Variants in CATSPERT observed in about 807,000 individuals in gnomAD.
The protein encoded by CATSPERT is cation channel sperm-associated targeting subunit tau.
the CATSPERT span, chr2:201,493,925 A>C: frequency 6.5e-7 from 1 of 1,537,106 alleles, no homozygotes. Context: ...CCACTTTCTA[A>C]AAATGAATCT....
At chr2:201,601,523 C>A in the CATSPERT span, among the ~76,000 whole-genome samples, 1 of 152,002 alleles carries the variant, frequency 6.6e-6, no homozygotes, top group African/African-American at 2.4e-5. Flanking sequence ...GGAAAGAAAT[C>A]TACTAAGATT....
the CATSPERT span, among the ~76,000 whole-genome samples, chr2:201,577,747 A>T: frequency 1.3e-5 from 2 of 152,190 alleles, no homozygotes. Context: ...GTAGGAATGG[A>T]GAAAGGGAAG....
the CATSPERT span, among the ~76,000 whole-genome samples, chr2:201,514,711 C>A: frequency 6.6e-6 from 1 of 152,298 alleles, no homozygotes; most frequent in Admixed American, 6.5e-5. Flanking sequence ...AGAGTATTGG[C>A]CAGAATTCTG....
At chr2:201,572,543 A>C in the CATSPERT span, among the ~76,000 whole-genome samples, 1 of 152,192 alleles carries the variant, frequency 6.6e-6, no homozygotes, top group African/African-American at 2.4e-5. Context: ...CACCTACATA[A>C]AATAATACTT....
the CATSPERT span, among the ~76,000 whole-genome samples, chr2:201,513,430 T>A: frequency 2.0e-5 from 3 of 151,984 alleles, no homozygotes; most frequent in Non-Finnish European, 4.4e-5. Flanking sequence ...CAGAAAACAA[T>A]AGATGTTGGC....
chr2:201,601,900 T>C, the CATSPERT span: 20 of 1,548,378 alleles, frequency 1.3e-5, no homozygotes, highest in Non-Finnish European at 1.8e-5. Flanking sequence ...AATAGAATGA[T>C]ATTCAGGAAA....
the CATSPERT span, among the ~76,000 whole-genome samples, chr2:201,566,758 T>C: frequency 2.0e-5 from 3 of 152,194 alleles, no homozygotes; most frequent in Admixed American, 6.5e-5. Context: ...TTTCTAGTTC[T>C]AGATCCCTGA....
chr2:201,545,729 A>C, the CATSPERT span: 14 of 648,322 alleles, frequency 2.2e-5, no homozygotes, highest in Non-Finnish European at 3.2e-5. Context: ...CTTTTAATAC[A>C]ATACACCTTC....
the CATSPERT span, among the ~76,000 whole-genome samples, chr2:201,594,939 C>T: frequency 1.8e-4 from 28 of 152,242 alleles, no homozygotes; most frequent in East Asian, 4.4e-3. Context: ...TCCCGTAGCT[C>T]GGAGTAATTT....
At chr2:201,535,794 TG>T in the CATSPERT span, 1 of 1,369,208 alleles carries the variant, frequency 7.3e-7, no homozygotes, top group African/African-American at 1.5e-5. Context: ...TAGATTATTT[TG>T]TCTCCCTAGT....
chr2:201,614,861 G>A, the CATSPERT span, among the ~76,000 whole-genome samples: 2 of 152,164 alleles, frequency 1.3e-5, no homozygotes, highest in East Asian at 1.9e-4. Flanking sequence ...AGGGATAGAG[G>A]AGGATCTACC....
At chr2:201,604,604 T>C in the CATSPERT span, 196 of 1,572,380 alleles carry the variant, frequency 1.2e-4, no homozygotes, top group Non-Finnish European at 1.7e-4. Context: ...GGGTTACTCA[T>C]ACATACCACA....
At chr2:201,508,929 G>A in the CATSPERT span, among the ~76,000 whole-genome samples, 3 of 151,950 alleles carry the variant, frequency 2.0e-5, no homozygotes, top group East Asian at 5.8e-4. Flanking sequence ...TGTGAATAAT[G>A]TTGCAGTAAA....
At chr2:201,565,427 C>T in the CATSPERT span, among the ~76,000 whole-genome samples, 2 of 152,004 alleles carry the variant, frequency 1.3e-5, no homozygotes, top group African/African-American at 2.4e-5. Flanking sequence ...TGAGCATAAT[C>T]GTGCCACTAC....
chr2:201,547,598 C>G, the CATSPERT span: 2 of 1,497,030 alleles, frequency 1.3e-6, no homozygotes, highest in Non-Finnish European at 1.8e-6. Flanking sequence ...ATTCTTTTTT[C>G]ATCTTTTCCA....
the CATSPERT span, among the ~76,000 whole-genome samples, chr2:201,573,685 C>G: frequency 2.0e-5 from 3 of 152,084 alleles, no homozygotes; most frequent in Non-Finnish European, 4.4e-5. Context: ...GAGACAGAGT[C>G]TCAGTCTATC....
chr2:201,614,822 GTACAGAGATAC>G, the CATSPERT span, among the ~76,000 whole-genome samples: 2,219 of 152,172 alleles, frequency 0.015, 25 homozygotes, highest in Non-Finnish European at 0.024. Flanking sequence ...CCTATCTCAC[GTACAGAGATAC>G]ACACAGGCTC....
chr2:201,536,437 ACC>A, the CATSPERT span: 1 of 1,250,686 alleles, frequency 8.0e-7, no homozygotes, highest in Non-Finnish European at 1.1e-6. Context: ...ATAACAAATT[ACC>A]ATTATTATTT....
At chr2:201,575,472 G>C in the CATSPERT span, 1 of 449,944 alleles carries the variant, frequency 2.2e-6, no homozygotes, top group Non-Finnish European at 3.8e-6. Flanking sequence ...CAGGAAATGA[G>C]TGGTGGGCAA....
Sources: gnomAD v4.1 joint callset for allele counts (sites outside exome capture counted in the v4.1 genomes callset) on GRCh38, gnomAD v4.1.1 for gene constraint, MANE v1.5 for transcripts, NCBI Gene and HGNC (gene_info 2026-07-23, HGNC 2026-07-21) for gene names.